The following CRAT variants were observed in gnomAD, a reference collection of about 807,000 sequenced individuals.
The protein encoded by CRAT is carnitine O-acetyltransferase.
CRAT carries 66 observed loss-of-function variants against 73.7 expected under a neutral mutation model. That is an observed-to-expected ratio of 0.90 (90% CI 0.73 to 1.10). The LOEUF (loss-of-function observed/expected upper bound fraction) is 1.10. CRAT is among the 50% of genes least tolerant of loss of function. The pLI, the probability that CRAT is intolerant of heterozygous loss-of-function variation, is 0.00. For missense variants in CRAT, 745 were observed against 846.9 expected (o/e 0.88, Z 1.49); for synonymous variants, 321 against 343.2 (o/e 0.94, Z 0.71).
intron 1 of CRAT, among the ~76,000 whole-genome samples, chr9:129,109,811 T>G (rs1848279288): frequency 4.0e-5 from 6 of 151,164 alleles, no homozygotes; most frequent in Admixed American, 3.3e-4. Context: ...GGACTGAAAT[T>G]AGGCTAGCAT....
Position 129,095,546 on chromosome 9 carries a change from A to G in CRAT, c.1732T>C (p.Tyr578His), listed in dbSNP as rs1847228030. The G allele has an allele frequency of 8.1e-6, 13 of 1,613,368 alleles. No individual in the cohort carries two copies. Among genetic ancestry groups the G allele is most frequent in the Non-Finnish European group, 1.1e-5 (13 of 1,179,998 alleles). Residue 578 changes from tyrosine (Y) to histidine (H), a missense_variant, in exon 14 of 14, where the codon TAT becomes CAT. Coordinates refer to ENST00000318080, the MANE Select transcript of CRAT (RefSeq NM_000755.5). ...PVVPDGYGVC[Y>H]NPMEAHINFS... Reference sequence around the variant, plus strand: ...TTGATGTGGGCCTCCATGGGGTTATAGCAGACACCGTAGCCGTCGGGGACC... The same window carrying G: ...TTGATGTGGGCCTCCATGGGGTTATGGCAGACACCGTAGCCGTCGGGGACC...
chr9:129,103,752 G>C lies in CRAT; in HGVS notation c.410+436C>G, dbSNP rs1588455224. Among the ~76,000 whole-genome samples, 2 of 152,308 alleles carry C rather than the reference G, an allele frequency of 1.3e-5. 1 individual carries two copies. The highest frequency in any genetic ancestry group is 4.1e-4 in the South Asian group (2 of 4,826). ...CTTGGGCAGGAGATCCTTGTCACTGGTATTTTTATCTCTGGTAGGACTGGA... is the reference window on the plus strand; with the variant it reads ...CTTGGGCAGGAGATCCTTGTCACTGCTATTTTTATCTCTGGTAGGACTGGA... On this transcript the variant is annotated intron_variant, in intron 3 of 13. Coordinates refer to ENST00000318080, the MANE Select transcript of CRAT (RefSeq NM_000755.5). This position sits in a 1 kb window ranked among gnomAD's most constrained non-coding sequence, Gnocchi z 4.6.
rs777047169 is a variant in CRAT at position 129,107,703 on chromosome 9, G to A, written c.291+111C>T. ...CTGCCAAGTGCCAGACACAGAGTAT[G>A]TGCTCACGAAACTCTGGGCAGCAAA... On this transcript the variant is annotated intron_variant, in intron 2 of 13. Coordinates refer to ENST00000318080, the MANE Select transcript of CRAT (RefSeq NM_000755.5). This position sits in a 1 kb window ranked among gnomAD's most constrained non-coding sequence, Gnocchi z 5.0. 2.4e-5 allele frequency: 35 copies of A among 1,478,968 alleles called. No individual in the cohort carries two copies. The highest frequency in any genetic ancestry group is 3.2e-5 in the Non-Finnish European group (34 of 1,069,410). The allele number at this position is 1,478,968 out of a possible 1,614,324, so 91.6% of individuals were successfully genotyped here.
At position 129,101,085 on chromosome 9, in the gene CRAT, G is replaced by C. The variant is rs1038060620; in HGVS notation, c.806-396C>G. On this transcript the variant is annotated intron_variant, in intron 6 of 13. Coordinates refer to ENST00000318080, the MANE Select transcript of CRAT (RefSeq NM_000755.5). ...CTGCTGGTACTTGGGGGCACAGGGG[G>C]TGTGGAGGCGGGTGGGCTTCTCAGC... is the stretch of plus-strand genomic sequence containing the variant. Among the ~76,000 whole-genome samples, 7 of 151,268 alleles carry C rather than the reference G, an allele frequency of 4.6e-5. No homozygotes were observed. The East Asian group carries it at 1.3e-3, about 29-fold the overall frequency.
Position 129,110,754 on chromosome 9 carries a change from C to CGGGCAACGGTGCCCGGGA in CRAT, c.-263_-246dup. On this transcript the variant is annotated 5_prime_UTR_variant, in exon 1 of 14. Transcript: ENST00000318080. The surrounding 1 kb of genome is among the most constrained non-coding windows in gnomAD (Gnocchi z 5.3). ...GCCTGGGCCGGTAGCGGGCCCCGGG[C>CGGGCAACGGTGCCCGGGA]GGGCAACGGTGCCCGGGAGGTTGGC... 1 of 433,348 alleles carries CGGGCAACGGTGCCCGGGA rather than the reference C, an allele frequency of 2.3e-6. No homozygotes were observed. Among genetic ancestry groups the CGGGCAACGGTGCCCGGGA allele is most frequent in the Non-Finnish European group, 3.8e-6 (1 of 261,128 alleles). The allele number at this position is 433,348 out of a possible 1,614,324, so 26.8% of individuals were successfully genotyped here.
Position 129,100,335 on chromosome 9 carries a change from CTGG to C in CRAT, c.984+173_984+175del. Reference sequence around the variant, plus strand: ...AGCGGTTTCCAGGCCAGAGGCAGGACTGGTGATGACAGGCTGGCTGCCTGGTAA... The same window carrying C: ...AGCGGTTTCCAGGCCAGAGGCAGGACTGATGACAGGCTGGCTGCCTGGTAA... On this transcript the variant is annotated intron_variant, in intron 7 of 13. Coordinates refer to ENST00000318080, the MANE Select transcript of CRAT (RefSeq NM_000755.5). 5 of 749,722 alleles carry C rather than the reference CTGG, an allele frequency of 6.7e-6. No individual in the cohort carries two copies. In the South Asian group the frequency reaches 9.5e-5, roughly 14 times the overall value. 46.4% of individuals were successfully genotyped at this position (749,722 alleles called of 1,614,324 possible). A position where few individuals can be genotyped will look rare whatever the true frequency, so the allele number is the denominator to read the frequency against.
At chr9:129,097,730 G>A in intron 11 of CRAT, 1 of 431,168 alleles carries the variant, frequency 2.3e-6, no homozygotes, top group Non-Finnish European at 4.1e-6. Context: ...GAAAAAAAAA[G>A]AGCGAGTATT....
intron 6 of CRAT, 73 bp downstream of exon 6, chr9:129,101,810 G>A: frequency 6.6e-7 from 1 of 1,517,628 alleles, no homozygotes; most frequent in Non-Finnish European, 9.0e-7. Context: ...TACCCTACAG[G>A]TGGAGTTGAG....
intron 11 of CRAT, 125 bp from the exon 12 acceptor site, chr9:129,097,437 G>A (rs1369733750): frequency 1.6e-5 from 11 of 691,510 alleles, no homozygotes; most frequent in South Asian, 2.2e-5. Flanking sequence ...GGCTGGGAGC[G>A]GTGGCTCACG....
In CRAT at chr9:129,096,124, C is replaced by A; in HGVS notation, c.1539G>T (p.Gly513=). The A allele has an allele frequency of 1.2e-6, 2 of 1,613,278 alleles. No homozygotes were observed. The highest frequency in any genetic ancestry group is 2.7e-5 in the African/African-American group (2 of 75,056). ...CCAGCAGGTGTCGATCAAAGGCCTC[C>A]CCGCGGATGGCCTGTTGGGGTGGGA... is the stretch of plus-strand genomic sequence containing the variant. ...HRGYTDRAIR[G]EAFDRHLLGL... Residue 513 remains glycine (G), a synonymous_variant, in exon 13 of 14, where the codon GGG becomes GGT. Coordinates refer to ENST00000318080, the MANE Select transcript of CRAT (RefSeq NM_000755.5).
At position 129,110,421 on chromosome 9, in the gene CRAT, C is replaced by T; in HGVS notation, c.27+62G>A. ...GCAGGACGCGGTCTCCGTTCCCGGACGCAACCGCACGGCCCGCCCAGGCCG... is the reference window on the plus strand; with the variant it reads ...GCAGGACGCGGTCTCCGTTCCCGGATGCAACCGCACGGCCCGCCCAGGCCG... On this transcript the variant is annotated intron_variant, in intron 1 of 13. Transcript: ENST00000318080. The surrounding 1 kb of genome is among the most constrained non-coding windows in gnomAD (Gnocchi z 5.3). 6.7e-7 allele frequency: 1 copy of T among 1,481,512 alleles called. No individual in the cohort carries two copies. The highest frequency in any genetic ancestry group is 1.3e-5 in the South Asian group (1 of 78,794). The allele number at this position is 1,481,512 out of a possible 1,614,324, so 91.8% of individuals were successfully genotyped here.
chr9:129,097,868 G>A (rs1847379483), intron 11 of CRAT, 145 bp downstream of exon 11: 1 of 1,224,828 alleles, frequency 8.2e-7, no homozygotes, highest in Non-Finnish European at 1.1e-6. Context: ...CTCAGAGCTA[G>A]ATTCACGGCT....
chr9:129,095,986 G>A lies in CRAT; in HGVS notation c.1665+12C>T. The A allele has an allele frequency of 6.2e-7, 1 of 1,613,862 alleles. No homozygotes were observed. The highest frequency in any genetic ancestry group is 2.2e-5 in the East Asian group (1 of 44,882). On this transcript the variant is annotated intron_variant, in intron 13 of 13. Transcript: ENST00000318080. ...GCCTCCAGCCCCCGGGGCACCTGGGGCAGTGGCCCACCTGGCTGGTGGAGA... is the reference window on the plus strand; with the variant it reads ...GCCTCCAGCCCCCGGGGCACCTGGGACAGTGGCCCACCTGGCTGGTGGAGA...
chr9:129,100,620 A>G lies in CRAT; in HGVS notation c.875T>C (p.Met292Thr), dbSNP rs368878335. ...SIFTVCLDAT[M>T]PRVSEDVYRS... The stretch of plus-strand genomic sequence containing the variant: ...GTACACGTCTTCTGAGACCCTGGGC[A>G]TGGTTGCATCTAGGCACACGGTGAA... Residue 292 changes from methionine to threonine, a missense_variant, in exon 7 of 14, where the codon ATG becomes ACG. Transcript: ENST00000318080. 19 of 1,614,026 alleles carry G rather than the reference A, an allele frequency of 1.2e-5. No homozygotes were observed. The highest frequency in any genetic ancestry group is 6.7e-5 in the African/African-American group (5 of 75,046).
intron 6 of CRAT, 87 bp downstream of exon 6, chr9:129,101,796 C>T (rs573486305): frequency 1.4e-5 from 20 of 1,455,048 alleles, no homozygotes; most frequent in South Asian, 6.6e-5. Flanking sequence ...CAGCAGACTT[C>T]GGGTACCCTA....
chr9:129,099,904 G>C lies in CRAT; in HGVS notation c.1047C>G (p.Pro349=), dbSNP rs757509019. 6.2e-7 allele frequency: 1 copy of C among 1,613,764 alleles called. No individual in the cohort carries two copies. The highest frequency in any genetic ancestry group is 8.5e-7 in the Non-Finnish European group (1 of 1,179,964). The change falls in exon 8 of 14, where the codon CCC becomes CCG. Residue 349 remains proline (P), a synonymous_variant. Coordinates refer to ENST00000318080, the MANE Select transcript of CRAT (RefSeq NM_000755.5). Reference sequence around the variant, plus strand: ...CATAGTCCAGAAGGGTGACAATAGGGGGCCCCTCCGCTGCAGCATGCTCGT... The same window carrying C: ...CATAGTCCAGAAGGGTGACAATAGGCGGCCCCTCCGCTGCAGCATGCTCGT... The part of the protein sequence containing the change: ...LVYEHAAAEG[P]PIVTLLDYVI...
chr9:129,107,722 C>G lies in CRAT; in HGVS notation c.291+92G>C, dbSNP rs772650415. The G allele has an allele frequency of 1.3e-6, 2 of 1,584,810 alleles. No individual in the cohort carries two copies. The highest frequency in any genetic ancestry group is 1.7e-6 in the Non-Finnish European group (2 of 1,159,166). ...GAGTATGTGCTCACGAAACTCTGGGCAGCAAACGAACGGCCGTGCCAGAGC... is the reference window on the plus strand; with the variant it reads ...GAGTATGTGCTCACGAAACTCTGGGGAGCAAACGAACGGCCGTGCCAGAGC... On this transcript the variant is annotated intron_variant, in intron 2 of 13. Coordinates refer to ENST00000318080, the MANE Select transcript of CRAT (RefSeq NM_000755.5). This position sits in a 1 kb window ranked among gnomAD's most constrained non-coding sequence, Gnocchi z 5.0.
In CRAT at chr9:129,098,749, G is replaced by GGGCCA. The variant is rs1847457923; in HGVS notation, c.1086-104_1086-100dup. The GGGCCA allele has an allele frequency of 7.0e-6, 10 of 1,436,798 alleles. No individual in the cohort carries two copies. The South Asian group carries it at 1.3e-4, about 19-fold the overall frequency. The allele number at this position is 1,436,798 out of a possible 1,614,324, so 89.0% of individuals were successfully genotyped here. A position where few individuals can be genotyped will look rare whatever the true frequency, so the allele number is the denominator to read the frequency against. The stretch of plus-strand genomic sequence containing the variant: ...GAGGATGGGTACCTGAAGCTGGAGG[G>GGGCCA]GGCCAGCCCAGGGAGGTGTGAGTTT... On this transcript the variant is annotated intron_variant, in intron 8 of 13. Coordinates refer to ENST00000318080, the MANE Select transcript of CRAT (RefSeq NM_000755.5).
intron 4 of CRAT, 148 bp downstream of exon 4, chr9:129,102,865 G>A (rs1028892777): frequency 9.8e-6 from 8 of 815,836 alleles, no homozygotes; most frequent in Admixed American, 7.4e-5. Flanking sequence ...GGATGGGACA[G>A]GGTCACCCAC....
Sources: gnomAD v4.1 joint callset for allele counts (sites outside exome capture counted in the v4.1 genomes callset) on GRCh38, gnomAD v4.1.1 for gene constraint, Gnocchi (gnomAD v3.1) non-coding constraint, MANE v1.5 for transcripts, NCBI Gene and HGNC (gene_info 2026-07-23, HGNC 2026-07-21) for gene names.